PIP5K1B: variants seen among roughly 807,000 people sequenced by gnomAD.
The protein encoded by PIP5K1B is phosphatidylinositol 4-phosphate 5-kinase type-1 beta.
In PIP5K1B, 42 loss-of-function variants were observed where a neutral mutation model predicts 67.0. That is an observed-to-expected ratio of 0.63 (90% CI 0.49 to 0.81). The LOEUF (loss-of-function observed/expected upper bound fraction) is 0.81. Ranked by LOEUF, PIP5K1B falls within the 30% of genes least tolerant of loss-of-function variation. The probability of loss-of-function intolerance (pLI) is 0.00; values close to 1 mark genes in which losing one functional copy is unlikely to be tolerated. For synonymous variants in PIP5K1B, 214 were observed against 231.4 expected (o/e 0.92, Z 0.68); for missense variants, 459 against 646.3 (o/e 0.71, Z 3.14).
At chr9:68,891,568 G>A (rs1824790787) in intron 7 of PIP5K1B, among the ~76,000 whole-genome samples, 1 of 151,890 alleles carries the variant, frequency 6.6e-6, no homozygotes, top group Non-Finnish European at 1.5e-5. Flanking sequence ...GAAACAATAG[G>A]AATAGACCAG....
At chr9:68,891,848 GA>G (rs1445483837) in intron 7 of PIP5K1B, among the ~76,000 whole-genome samples, 1 of 152,004 alleles carries the variant, frequency 6.6e-6, no homozygotes, top group Non-Finnish European at 1.5e-5. Flanking sequence ...GAATATAAGG[GA>G]AAAAAGAGAT....
rs7851956 is a variant in PIP5K1B, at chr9:68,947,179, A to G, written c.1502+6389A>G. ...GAATTTCAAAGGGAATTGGTTACAG[A>G]ATGTGGGGAGGCTGGAAGACTGAAG... On this transcript the variant is annotated intron_variant, in intron 14 of 15. Coordinates refer to ENST00000265382, the MANE Select transcript of PIP5K1B (RefSeq NM_003558.4). Among the ~76,000 whole-genome samples the G allele has an allele frequency of 8.4e-3, 1,276 of 152,298 alleles. 20 individuals carry two copies. The highest frequency in any genetic ancestry group is 0.028 in the African/African-American group (1,182 of 41,560).
chr9:68,902,040 A>G (rs1360610775), intron 8 of PIP5K1B, among the ~76,000 whole-genome samples: 4 of 152,230 alleles, frequency 2.6e-5, no homozygotes, highest in Admixed American at 2.6e-4. Flanking sequence ...ACAATCTTGC[A>G]CAACCTTAGT....
chr9:68,746,238 C>T (rs1056827682), intron 2 of PIP5K1B, among the ~76,000 whole-genome samples: 1 of 151,936 alleles, frequency 6.6e-6, no homozygotes, highest in Non-Finnish European at 1.5e-5. Flanking sequence ...ATCACCATGC[C>T]TGGCTAATTT....
chr9:68,925,192 T>G (rs561181896), intron 12 of PIP5K1B, among the ~76,000 whole-genome samples: 2 of 152,306 alleles, frequency 1.3e-5, no homozygotes, highest in South Asian at 4.1e-4. Context: ...TGTTTCTCCT[T>G]TTTCTATTTC....
In PIP5K1B at chr9:68,894,079, GT is replaced by G. The variant is rs1042366481; in HGVS notation, c.472-255del. 3.9e-5 allele frequency among the ~76,000 whole-genome samples: 6 copies of G among 152,158 alleles called. No homozygotes were observed. In the South Asian group the frequency reaches 1.2e-3, roughly 32 times the overall value. ...CATGGCACCAGTCAATTCCTTGCCT[GT>G]TTTTAGTTGGAGCCAATTTGGGACA... On this transcript the variant is annotated intron_variant, in intron 7 of 15. Coordinates refer to ENST00000265382, the MANE Select transcript of PIP5K1B (RefSeq NM_003558.4).
intron 14 of PIP5K1B, among the ~76,000 whole-genome samples, chr9:68,981,985 T>C (rs1331526247): frequency 2.0e-5 from 3 of 152,192 alleles, no homozygotes; most frequent in South Asian, 4.1e-4. Flanking sequence ...TCTGTGTTTT[T>C]ACAAGGGAAG....
At position 68,754,177 on chromosome 9, in the gene PIP5K1B, T is replaced by TTTTTTTTTTCTTTTTTTC. The variant is rs762773361; in HGVS notation, c.-86+11529_-86+11530insCTTTTTTTCTTTTTTTTT. Among the ~76,000 whole-genome samples the TTTTTTTTTTCTTTTTTTC allele has an allele frequency of 7.2e-4, 84 of 117,276 alleles. 7 individuals are homozygous for TTTTTTTTTTCTTTTTTTC. Among genetic ancestry groups the TTTTTTTTTTCTTTTTTTC allele is most frequent in the Non-Finnish European group, 1.2e-3 (68 of 56,640 alleles). 76.9% of individuals were successfully genotyped at this position (117,276 alleles called of 152,430 possible). On this transcript the variant is annotated intron_variant, in intron 2 of 15. Coordinates refer to ENST00000265382, the MANE Select transcript of PIP5K1B (RefSeq NM_003558.4). ...TCTTCTTTTATGTTCCATGATTTCTTTTTTTTTTTTGAGACAGAGTCTCGC... is the reference window on the plus strand; with the variant it reads ...TCTTCTTTTATGTTCCATGATTTCTTTTTTTTTTTCTTTTTTTCTTTTTTTTTTGAGACAGAGTCTCGC...
chr9:68,934,384 C>T (rs973938345), intron 12 of PIP5K1B, among the ~76,000 whole-genome samples: 2 of 152,132 alleles, frequency 1.3e-5, no homozygotes, highest in Admixed American at 1.3e-4. Flanking sequence ...AAAAAAGCAA[C>T]CAGAAGTAAC....
At chr9:68,909,000 G>C (rs1241256202) in intron 8 of PIP5K1B, among the ~76,000 whole-genome samples, 1 of 152,178 alleles carries the variant, frequency 6.6e-6, no homozygotes, top group African/African-American at 2.4e-5. Context: ...GATTGATCAA[G>C]TGAGATGGAA....
intron 6 of PIP5K1B, 61 bp from the exon 7 acceptor site, chr9:68,888,920 T>C: frequency 5.0e-6 from 6 of 1,189,848 alleles, no homozygotes; most frequent in Non-Finnish European, 7.4e-6. Context: ...ATGATTGTCC[T>C]CCTTGGAGGC....
chr9:68,734,633 A>G (rs956331175), intron 1 of PIP5K1B, among the ~76,000 whole-genome samples: 3 of 152,316 alleles, frequency 2.0e-5, no homozygotes, highest in African/African-American at 4.8e-5. Context: ...ACCTGCTCCC[A>G]TGACATTTTG....
intron 14 of PIP5K1B, among the ~76,000 whole-genome samples, chr9:68,983,039 A>G (rs1829953325): frequency 1.3e-5 from 2 of 152,348 alleles, no homozygotes; most frequent in Non-Finnish European, 2.9e-5. Context: ...AGTAGTGCAT[A>G]TAACCTTTAC....
chr9:68,708,668 G>A (rs1053789674), intron 1 of PIP5K1B, among the ~76,000 whole-genome samples: 1 of 151,548 alleles, frequency 6.6e-6, no homozygotes, highest in Non-Finnish European at 1.5e-5. Flanking sequence ...TTTTAAAACA[G>A]GGTATTGAAT....
At chr9:68,789,446 G>T in intron 2 of PIP5K1B, 1 of 494,382 alleles carries the variant, frequency 2.0e-6, no homozygotes, top group South Asian at 1.5e-5. Context: ...AAATAGAGGG[G>T]AGACCTCCAT....
At chr9:68,869,123 A>G (rs922249216) in intron 5 of PIP5K1B, among the ~76,000 whole-genome samples, 3 of 152,216 alleles carry the variant, frequency 2.0e-5, no homozygotes, top group African/African-American at 4.8e-5. Flanking sequence ...CCAAGAGTCC[A>G]TCTTATACCA....
At chr9:68,789,043 C>T in intron 2 of PIP5K1B, 1 of 468,576 alleles carries the variant, frequency 2.1e-6, no homozygotes. Flanking sequence ...GATACAGCAT[C>T]AATCATCCCC....
At chr9:68,896,559 A>G (rs2132419916) in intron 8 of PIP5K1B, among the ~76,000 whole-genome samples, 1 of 152,288 alleles carries the variant, frequency 6.6e-6, no homozygotes, top group African/African-American at 2.4e-5. Flanking sequence ...CCTGAGGCTA[A>G]CTCCCTCTTA....
At chr9:68,943,508 GA>G (rs1252554040) in intron 14 of PIP5K1B, among the ~76,000 whole-genome samples, 1 of 151,930 alleles carries the variant, frequency 6.6e-6, no homozygotes, top group African/African-American at 2.4e-5. Context: ...CAAAACAAAA[GA>G]AAAAATTGTC....
Sources: gnomAD v4.1 joint callset for allele counts (sites outside exome capture counted in the v4.1 genomes callset) on GRCh38, gnomAD v4.1.1 for gene constraint, MANE v1.5 for transcripts, NCBI Gene and HGNC (gene_info 2026-07-23, HGNC 2026-07-21) for gene names.